Variants in HEATR5B observed in about 807,000 individuals in gnomAD.
HEATR5B encodes the protein HEAT repeat containing 5B.
Under a neutral mutation model 224.1 loss-of-function variants are expected in HEATR5B, and 156 were observed. That is an observed-to-expected ratio of 0.70 (90% CI 0.61 to 0.80). The LOEUF (loss-of-function observed/expected upper bound fraction) is 0.80. HEATR5B is among the 30% of genes least tolerant of loss of function. The probability of loss-of-function intolerance (pLI) is 0.00; values close to 1 mark genes in which losing one functional copy is unlikely to be tolerated. For synonymous variants in HEATR5B, 1,027 were observed against 893.0 expected (o/e 1.15, Z -2.68); for missense variants, 2,323 against 2,535.5 (o/e 0.92, Z 1.80).
At position 37,061,952 on chromosome 2, in the gene HEATR5B, T is replaced by G. The variant is rs772394105; in HGVS notation, c.1683A>C (p.Ala561=). 1.9e-6 allele frequency: 3 copies of G among 1,610,220 alleles called. No individual in the cohort carries two copies. Among genetic ancestry groups the G allele is most frequent in the Non-Finnish European group, 1.7e-6 (2 of 1,176,512 alleles). ...RTQAGWLLLG[A]LMTLGPSVVR... Reference sequence around the variant, plus strand: ...ATATAATTATACCTAAAGTCATAAGTGCTCCAAGTAAAAGCCAGCCAGCTT... The same window carrying G: ...ATATAATTATACCTAAAGTCATAAGGGCTCCAAGTAAAAGCCAGCCAGCTT... Residue 561 remains alanine, a synonymous_variant, in exon 11 of 36, where the codon GCA becomes GCC. Coordinates refer to ENST00000233099, the MANE Select transcript of HEATR5B (RefSeq NM_019024.3).
chr2:37,029,972 T>TAAATAAAA (rs1266352467), intron 22 of HEATR5B, among the ~76,000 whole-genome samples: 12 of 146,686 alleles, frequency 8.2e-5, no homozygotes, highest in South Asian at 2.2e-4. Context: ...AATAAATAAA[T>TAAATAAAA]AAAAATTGGG....
chr2:37,049,595 T>C, intron 18 of HEATR5B, 58 bp downstream of exon 18: 1 of 1,413,300 alleles, frequency 7.1e-7, no homozygotes, highest in Non-Finnish European at 9.9e-7. Flanking sequence ...CAGTTGATTA[T>C]TATTTAAAAG....
intron 17 of HEATR5B, among the ~76,000 whole-genome samples, chr2:37,051,461 T>G (rs1670545451): frequency 6.6e-6 from 1 of 152,042 alleles, no homozygotes; most frequent in Non-Finnish European, 1.5e-5. Flanking sequence ...TAGCTGTACT[T>G]ACCATCCTGG....
intron 18 of HEATR5B, among the ~76,000 whole-genome samples, chr2:37,044,422 A>G (rs62133110): frequency 0.18 from 27,967 of 152,206 alleles, 3,086 homozygotes; most frequent in East Asian, 0.53. Context: ...TTTAAGATTC[A>G]TCCAATTTAT....
At position 36,981,465 on chromosome 2, in the gene HEATR5B, A is replaced by G. The variant is rs369115998; in HGVS notation, c.*25T>C. The G allele has an allele frequency of 6.4e-7, 1 of 1,572,416 alleles. No homozygotes were observed. Among genetic ancestry groups the G allele is most frequent in the Non-Finnish European group, 8.7e-7 (1 of 1,154,572 alleles). ...CTAATTAGGGGCTAGTTGACAACATAAATACAAATAAATGAAATTACAAAT... is the reference window on the plus strand; with the variant it reads ...CTAATTAGGGGCTAGTTGACAACATGAATACAAATAAATGAAATTACAAAT... On this transcript the variant is annotated 3_prime_UTR_variant, in exon 36 of 36. Transcript: ENST00000233099.
intron 24 of HEATR5B, among the ~76,000 whole-genome samples, chr2:37,022,626 GGA>G (rs1668535080): frequency 6.6e-6 from 1 of 152,148 alleles, no homozygotes; most frequent in African/African-American, 2.4e-5. Flanking sequence ...ACTGTAGGCT[GGA>G]GTCTGCCAAT....
At chr2:37,082,086 T>TTTTGC (rs371663046) in intron 2 of HEATR5B, among the ~76,000 whole-genome samples, 1 of 55,978 alleles carries the variant, frequency 1.8e-5, no homozygotes, top group Non-Finnish European at 3.4e-5. Flanking sequence ...TTTTTTTTTT[T>TTTTGC]CAGATGGAGT....
chr2:37,037,291 G>A (rs1200347941), intron 21 of HEATR5B, among the ~76,000 whole-genome samples: 7 of 151,326 alleles, frequency 4.6e-5, no homozygotes, highest in Middle Eastern at 3.4e-3. Context: ...GACTACAGGT[G>A]CACGCCACCA....
chr2:37,019,505 GGA>G lies in HEATR5B; in HGVS notation c.4104+302_4104+303del, dbSNP rs140240923. 8.5e-3 allele frequency among the ~76,000 whole-genome samples: 1,283 copies of G among 150,412 alleles called. 21 individuals carry two copies. Among genetic ancestry groups the G allele is most frequent in the African/African-American group, 0.03 (1,228 of 40,824 alleles). On this transcript the variant is annotated intron_variant, in intron 26 of 35. Transcript: ENST00000233099. ...AGGGTCTCGCTCCGTTGCCCAGGCT[GGA>G]GTACAGTGGCGAAATCTTGGGTCAT... is the stretch of plus-strand genomic sequence containing the variant.
chr2:37,041,760 A>T (rs1398535197), intron 18 of HEATR5B, among the ~76,000 whole-genome samples: 3 of 150,368 alleles, frequency 2.0e-5, no homozygotes, highest in African/African-American at 7.3e-5. Flanking sequence ...TAATAATATT[A>T]ATAATAATAA....
intron 19 of HEATR5B, 51 bp from the exon 20 acceptor site, chr2:37,040,569 C>G (rs764990277): frequency 7.2e-7 from 1 of 1,395,024 alleles, no homozygotes; most frequent in Non-Finnish European, 1.0e-6. Flanking sequence ...TTCGAATGTA[C>G]TGAATTGAGT....
chr2:37,056,552 GTAAA>G lies in HEATR5B; in HGVS notation c.2283_2286del (p.Leu762AlafsTer28). ...GGTACTGCTTCTCCAGCAGGTATGC[GTAAA>G]TAAATAGAGGAAGGATCATGCTCCA... On this transcript the variant is annotated frameshift_variant, in exon 16 of 36. Coordinates refer to ENST00000233099, the MANE Select transcript of HEATR5B (RefSeq NM_019024.3). LOFTEE classifies it high-confidence loss of function. 3.1e-6 allele frequency: 5 copies of G among 1,613,330 alleles called. No homozygotes were observed. The highest frequency in any genetic ancestry group is 4.2e-6 in the Non-Finnish European group (5 of 1,179,504).
chr2:37,070,055 A>C (rs1255089091), intron 7 of HEATR5B, among the ~76,000 whole-genome samples, 175 bp downstream of exon 7: 3 of 151,916 alleles, frequency 2.0e-5, no homozygotes, highest in African/African-American at 7.3e-5. Flanking sequence ...GCGCCACCAC[A>C]CCTGGCTAAT....
chr2:37,013,311 T>C (rs185451372), intron 27 of HEATR5B, among the ~76,000 whole-genome samples: 67 of 152,098 alleles, frequency 4.4e-4, no homozygotes, highest in African/African-American at 1.4e-3. Context: ...AGAAGGAATT[T>C]AGAAAAATGA....
At chr2:37,005,548 GA>G in intron 30 of HEATR5B, 83 bp downstream of exon 30, 7 of 1,291,914 alleles carry the variant, frequency 5.4e-6, no homozygotes, top group Non-Finnish European at 7.7e-6. Flanking sequence ...ATCCAATACA[GA>G]AAAAAAATCC....
chr2:37,033,121 C>T (rs929576697), intron 21 of HEATR5B, among the ~76,000 whole-genome samples: 3 of 151,926 alleles, frequency 2.0e-5, no homozygotes, highest in African/African-American at 4.8e-5. Context: ...CCTCGTGATC[C>T]GCCCACCTCA....
At chr2:37,025,416 C>T (rs1177020242) in intron 24 of HEATR5B, among the ~76,000 whole-genome samples, 1 of 150,534 alleles carries the variant, frequency 6.6e-6, no homozygotes, top group Non-Finnish European at 1.5e-5. Context: ...TCTGAAGATT[C>T]AGAGAAATGG....
chr2:37,033,320 A>G (rs17020147), intron 21 of HEATR5B, among the ~76,000 whole-genome samples: 25,665 of 152,180 alleles, frequency 0.17, 2,411 homozygotes, highest in African/African-American at 0.22. Flanking sequence ...AGTAGCCAAA[A>G]TAATTGTCCC....
rs368655629 is a variant in HEATR5B, at chr2:37,072,225, A to G, written c.654T>C (p.Asn218=). 1.2e-6 allele frequency: 2 copies of G among 1,613,646 alleles called. No homozygotes were observed. The highest frequency in any genetic ancestry group is 1.7e-6 in the Non-Finnish European group (2 of 1,179,726). The part of the protein sequence containing the change: ...AVFMWTAELE[N]IATLCFKALE... ...AAGCCTTAAAGCAGAGAGTGGCTAT[A>G]TTTTCTAGTTCAGCAGTCCACATAA... Residue 218 remains asparagine, a synonymous_variant, in exon 6 of 36, where the codon AAT becomes AAC. Transcript: ENST00000233099.
Sources: gnomAD v4.1 joint callset for allele counts (sites outside exome capture counted in the v4.1 genomes callset) on GRCh38, gnomAD v4.1.1 for gene constraint, MANE v1.5 for transcripts, NCBI Gene and HGNC (gene_info 2026-07-23, HGNC 2026-07-21) for gene names.